The following PARD3B variants were observed in gnomAD, a reference collection of about 807,000 sequenced individuals.
PARD3B encodes the protein par-3 family cell polarity regulator beta.
PARD3B carries 103 observed loss-of-function variants against 130.2 expected under a neutral mutation model. The ratio of observed to expected loss-of-function variants is 0.79; its 90% CI spans 0.67 to 0.93. PARD3B has a LOEUF of 0.93. PARD3B is among the 40% of genes least tolerant of loss of function. The pLI, the probability that PARD3B is intolerant of heterozygous loss-of-function variation, is 0.00. For missense variants in PARD3B, 1,609 were observed against 1,499.2 expected (o/e 1.07, Z -1.21); for synonymous variants, 583 against 553.2 (o/e 1.05, Z -0.76).
chr2:204,816,373 A>G (rs900914079), intron 2 of PARD3B, among the ~76,000 whole-genome samples: 2 of 151,164 alleles, frequency 1.3e-5, no homozygotes, highest in Non-Finnish European at 3.0e-5. Context: ...ACGTTTTTCT[A>G]TCTGGTTTCA....
chr2:204,978,945 A>T (rs1428500467), intron 3 of PARD3B, among the ~76,000 whole-genome samples: 7 of 147,530 alleles, frequency 4.7e-5, no homozygotes, highest in African/African-American at 1.7e-4. Flanking sequence ...GCCTGGAGAG[A>T]CAAAATGAGA....
intron 18 of PARD3B, among the ~76,000 whole-genome samples, chr2:205,334,721 C>T (rs1432960860): frequency 6.6e-6 from 1 of 152,070 alleles, no homozygotes; most frequent in Non-Finnish European, 1.5e-5. Context: ...TTTTAGTTGT[C>T]CTGTGGAAAG....
chr2:205,259,709 C>T (rs1224054205), intron 16 of PARD3B, among the ~76,000 whole-genome samples: 1 of 152,156 alleles, frequency 6.6e-6, no homozygotes, highest in African/African-American at 2.4e-5. Flanking sequence ...GCCATACTCT[C>T]TCAACTGTAT....
chr2:205,054,432 ATATATTTT>A (rs1453752782), intron 4 of PARD3B, among the ~76,000 whole-genome samples: 5 of 30,992 alleles, frequency 1.6e-4, no homozygotes, highest in African/African-American at 3.0e-4. Context: ...ATATATATAT[ATATATTTT>A]TTTTTTTTTT....
At chr2:204,951,199 C>G (rs555253235) in intron 2 of PARD3B, among the ~76,000 whole-genome samples, 1 of 152,148 alleles carries the variant, frequency 6.6e-6, no homozygotes, top group Non-Finnish European at 1.5e-5. Flanking sequence ...ATCTTGAAGT[C>G]CTTAACATTT....
Position 205,572,930 on chromosome 2 carries a change from T to C in PARD3B, c.3260+19527T>C, listed in dbSNP as rs1188132087. ...TAATTTATAAAGGAAAGAGGTTTAA[T>C]TGACTCACAGTTCAGCATGGCTAGG... On this transcript the variant is annotated intron_variant, in intron 22 of 22. Transcript: ENST00000406610. This position sits in a 1 kb window ranked among gnomAD's most constrained non-coding sequence, Gnocchi z 4.2. Among the ~76,000 whole-genome samples the C allele has an allele frequency of 6.6e-6, 1 of 152,174 alleles. No homozygotes were observed. Among genetic ancestry groups the C allele is most frequent in the East Asian group, 1.9e-4 (1 of 5,190 alleles).
intron 21 of PARD3B, among the ~76,000 whole-genome samples, chr2:205,546,705 C>T (rs1218928714): frequency 1.3e-5 from 2 of 152,160 alleles, no homozygotes; most frequent in Non-Finnish European, 2.9e-5. Flanking sequence ...CTGCAATTTC[C>T]TATCCTCTAT....
rs111984414 is a variant in PARD3B at position 204,660,889 on chromosome 2, T to G, written c.121-25292T>G. Among the ~76,000 whole-genome samples the G allele has an allele frequency of 6.9e-3, 1,044 of 152,332 alleles. 7 individuals carry two copies. The highest frequency in any genetic ancestry group is 0.031 in the Middle Eastern group (9 of 294). ...GTATTAATGTATAGAACATGCAGTG[T>G]GGCTTTGTGAGTTATGCCAAAAATG... On this transcript the variant is annotated intron_variant, in intron 1 of 22. Coordinates refer to ENST00000406610, the MANE Select transcript of PARD3B (RefSeq NM_001302769.2).
intron 4 of PARD3B, among the ~76,000 whole-genome samples, chr2:205,081,434 G>A (rs757667462): frequency 2.6e-5 from 4 of 151,846 alleles, no homozygotes; most frequent in Non-Finnish European, 5.9e-5. Context: ...TTGCTATGAT[G>A]CTAAGACCTA....
At chr2:205,330,699 ATGAGCCTATG>A (rs2043092814) in intron 18 of PARD3B, among the ~76,000 whole-genome samples, 1 of 152,238 alleles carries the variant, frequency 6.6e-6, no homozygotes. Flanking sequence ...TTGTTTTAAA[ATGAGCCTATG>A]TGACCTACAG....
intron 1 of PARD3B, among the ~76,000 whole-genome samples, chr2:204,592,693 T>G (rs2033127508): frequency 6.6e-6 from 1 of 152,170 alleles, no homozygotes; most frequent in African/African-American, 2.4e-5. Flanking sequence ...ATTCTCAGAG[T>G]ATTTGCATCC....
At chr2:204,731,512 T>G (rs2039507122) in intron 2 of PARD3B, among the ~76,000 whole-genome samples, 1 of 152,222 alleles carries the variant, frequency 6.6e-6, no homozygotes, top group African/African-American at 2.4e-5. Context: ...TGTACTTAGC[T>G]TATGTAAAAC....
intron 4 of PARD3B, among the ~76,000 whole-genome samples, chr2:205,060,142 T>C (rs1699981316): frequency 1.3e-5 from 2 of 152,184 alleles, no homozygotes; most frequent in South Asian, 4.1e-4. Context: ...GTAGCATTTG[T>C]CCACATTATG....
chr2:205,235,839 T>A (rs2039037539), intron 15 of PARD3B, among the ~76,000 whole-genome samples: 2 of 152,160 alleles, frequency 1.3e-5, no homozygotes, highest in African/African-American at 4.8e-5. Flanking sequence ...TTACTGTAAA[T>A]TCAATCCAAA....
At position 204,669,177 on chromosome 2, in the gene PARD3B, AC is replaced by A. The variant is rs1415364108; in HGVS notation, c.121-17002del. On this transcript the variant is annotated intron_variant, in intron 1 of 22. Transcript: ENST00000406610. The surrounding 1 kb of genome is among the most constrained non-coding windows in gnomAD (Gnocchi z 4.3). The stretch of plus-strand genomic sequence containing the variant: ...TAATTTGTAACCGGAGAAATAGGAA[AC>A]CAGTAGAACCCTTCTTTATTTCAGT... Among the ~76,000 whole-genome samples, 1 of 152,104 alleles carries A rather than the reference AC, an allele frequency of 6.6e-6. No individual in the cohort carries two copies. Among genetic ancestry groups the A allele is most frequent in the Non-Finnish European group, 1.5e-5 (1 of 68,022 alleles).
chr2:204,891,749 A>G (rs1424623850), intron 2 of PARD3B, among the ~76,000 whole-genome samples: 1 of 152,082 alleles, frequency 6.6e-6, no homozygotes, highest in East Asian at 1.9e-4. Flanking sequence ...TCAGCCCCAG[A>G]TGTTCCCCCT....
chr2:204,734,925 A>G (rs535411305), intron 2 of PARD3B, among the ~76,000 whole-genome samples: 1 of 152,116 alleles, frequency 6.6e-6, no homozygotes, highest in Non-Finnish European at 1.5e-5. Context: ...TAAAAATAGG[A>G]CCATAGTGGT....
chr2:204,990,738 A>T (rs1478571855), intron 3 of PARD3B, among the ~76,000 whole-genome samples: 1 of 152,048 alleles, frequency 6.6e-6, no homozygotes, highest in Admixed American at 6.6e-5. Context: ...ATTTTAATAG[A>T]GTCAACATTT....
chr2:204,546,059 G>T lies in PARD3B; in HGVS notation c.60G>T (p.Gln20His). 1 of 1,563,412 alleles carries T rather than the reference G, an allele frequency of 6.4e-7. No homozygotes were observed. The highest frequency in any genetic ancestry group is 8.7e-7 in the Non-Finnish European group (1 of 1,153,312). ...TGIVVPCKEG[Q>H]LRVGELTQQA... ...TCGTGGTGCCCTGCAAGGAGGGCCA[G>T]CTGCGCGTCGGCGAGCTCACCCAGC... Residue 20 changes from glutamine (Q) to histidine (H), a missense_variant, in exon 1 of 23, where the codon CAG becomes CAT. Coordinates refer to ENST00000406610, the MANE Select transcript of PARD3B (RefSeq NM_001302769.2).
Sources: allele counts gnomAD v4.1 joint callset (sites outside exome capture counted in the v4.1 genomes callset), GRCh38; gene constraint gnomAD v4.1.1; non-coding constraint Gnocchi (gnomAD v3.1); transcripts MANE v1.5; gene names NCBI Gene and HGNC (gene_info 2026-07-23, HGNC 2026-07-21).